The following SH3D19 variants were observed in gnomAD, a reference collection of about 807,000 sequenced individuals.
SH3D19 encodes SH3 domain-containing protein 19.
In SH3D19, 58 loss-of-function variants were observed where a neutral mutation model predicts 112.1. The observed-to-expected ratio is 0.52, with a 90% CI of 0.42 to 0.64. The LOEUF (loss-of-function observed/expected upper bound fraction) is 0.64, where lower values mean the gene tolerates loss of function less well. Ranked by LOEUF, SH3D19 falls within the 30% of genes least tolerant of loss-of-function variation. SH3D19 has a pLI of 0.00. For synonymous variants in SH3D19, 391 were observed against 448.5 expected, an observed-to-expected ratio of 0.87 and a Z score of 1.62; for missense variants, 1,090 against 1,263.4, an observed-to-expected ratio of 0.86 and a Z score of 2.08.
At position 151,161,464 on chromosome 4, in the gene SH3D19, G is replaced by GTCAT. The variant is rs571791343; in HGVS notation, c.1643-2116_1643-2113dup. On this transcript the variant is annotated intron_variant, in intron 8 of 19. Transcript: ENST00000604030. ...GAAATAACTCTCTAGAAATCATTCTGTCATTTCAGTTCTCCTACATTTGGC... is the reference window on the plus strand; with the variant it reads ...GAAATAACTCTCTAGAAATCATTCTGTCATTCATTTCAGTTCTCCTACATTTGGC... 2.5e-3 allele frequency among the ~76,000 whole-genome samples: 376 copies of GTCAT among 152,028 alleles called. 1 individual carries two copies. Among genetic ancestry groups the GTCAT allele is most frequent in the African/African-American group, 8.8e-3 (364 of 41,466 alleles).
In SH3D19 at chr4:151,275,828, T is replaced by TTAG. The variant is rs1289643505; in HGVS notation, c.112+49412_112+49413insCTA. Among the ~76,000 whole-genome samples the TTAG allele has an allele frequency of 2.8e-5, 3 of 106,804 alleles. No homozygotes were observed. In the East Asian group the frequency reaches 7.8e-4, roughly 28 times the overall value. The allele number at this position is 106,804 out of a possible 152,430, so 70.1% of individuals were successfully genotyped here. On this transcript the variant is annotated intron_variant, in intron 1 of 19. Coordinates refer to ENST00000604030, the MANE Select transcript of SH3D19 (RefSeq NM_001378122.1). ...AAGCTACCACGCCCAGCCACTTCTA[T>TTAG]TATTATTATTATTATTATTATTTTT... is the stretch of plus-strand genomic sequence containing the variant.
chr4:151,127,477 G>C (rs1225423598), intron 19 of SH3D19, 141 bp downstream of exon 19: 7 of 526,218 alleles, frequency 1.3e-5, no homozygotes, highest in African/African-American at 4.0e-5. Flanking sequence ...TTTCTCTAAT[G>C]TCTTCCCCTA....
chr4:151,155,939 A>G (rs1359869075), intron 9 of SH3D19, among the ~76,000 whole-genome samples: 1 of 152,164 alleles, frequency 6.6e-6, no homozygotes, highest in Non-Finnish European at 1.5e-5. Context: ...TCTACCAAAA[A>G]AACCCTCTTA....
chr4:151,282,127 C>A (rs772742989), intron 1 of SH3D19: 43 of 1,611,440 alleles, frequency 2.7e-5, no homozygotes, highest in Middle Eastern at 1.7e-4. Flanking sequence ...CATAAGCAGG[C>A]CTCCTTTCTT....
At chr4:151,163,963 A>G (rs1757569763) in intron 8 of SH3D19, among the ~76,000 whole-genome samples, 1 of 152,194 alleles carries the variant, frequency 6.6e-6, no homozygotes, top group African/African-American at 2.4e-5. Context: ...TAGAACCAGA[A>G]TTTGATACCT....
intron 1 of SH3D19, among the ~76,000 whole-genome samples, chr4:151,258,645 C>G (rs1376896700): frequency 1.3e-5 from 2 of 152,216 alleles, no homozygotes; most frequent in Non-Finnish European, 2.9e-5. Context: ...TCTCCCAGGA[C>G]AGCAGGGGAC....
chr4:151,177,829 T>C (rs1449276068), intron 4 of SH3D19, among the ~76,000 whole-genome samples: 1 of 152,364 alleles, frequency 6.6e-6, no homozygotes, highest in South Asian at 2.1e-4. Context: ...GGTTTGTATA[T>C]GATTTGATGA....
chr4:151,131,539 T>C (rs1272161554), intron 17 of SH3D19, among the ~76,000 whole-genome samples: 1 of 150,678 alleles, frequency 6.6e-6, no homozygotes, highest in East Asian at 2.0e-4. Flanking sequence ...CAGGCGGGAG[T>C]GCAGTGGCGC....
chr4:151,296,175 TA>T (rs1775705255), intron 1 of SH3D19, among the ~76,000 whole-genome samples: 1 of 152,210 alleles, frequency 6.6e-6, no homozygotes. Context: ...AAGCTATTTT[TA>T]AAACATGAAC....
intron 13 of SH3D19, among the ~76,000 whole-genome samples, chr4:151,139,187 T>C (rs1399075673): frequency 6.6e-6 from 1 of 151,788 alleles, no homozygotes; most frequent in Non-Finnish European, 1.5e-5. Flanking sequence ...GGAGTCTCGC[T>C]CTGTCCCTCG....
intron 1 of SH3D19, among the ~76,000 whole-genome samples, chr4:151,242,438 T>A (rs1393008757): frequency 6.6e-6 from 1 of 152,104 alleles, no homozygotes; most frequent in Non-Finnish European, 1.5e-5. Flanking sequence ...TCTTAGGGGA[T>A]AAATAACATG....
intron 12 of SH3D19, 119 bp from the exon 13 acceptor site, chr4:151,139,966 G>A (rs1220643321): frequency 8.2e-6 from 6 of 734,000 alleles, no homozygotes; most frequent in African/African-American, 1.8e-5. Flanking sequence ...TACATTATGA[G>A]TACATGATGC....
intron 8 of SH3D19, among the ~76,000 whole-genome samples, chr4:151,163,586 C>CTTT (rs200482400): frequency 2.1e-5 from 3 of 145,016 alleles, no homozygotes; most frequent in African/African-American, 7.6e-5. Context: ...TTCTTTCTTT[C>CTTT]TTTTTTTTTT....
chr4:151,280,396 A>C (rs1000137564), intron 1 of SH3D19, among the ~76,000 whole-genome samples: 2 of 152,182 alleles, frequency 1.3e-5, no homozygotes, highest in African/African-American at 4.8e-5. Context: ...CTCCCCAGTA[A>C]GATGACTGCA....
At chr4:151,253,464 G>C (rs1250442995) in intron 1 of SH3D19, among the ~76,000 whole-genome samples, 1 of 152,162 alleles carries the variant, frequency 6.6e-6, no homozygotes, top group Non-Finnish European at 1.5e-5. Flanking sequence ...TTGTTGGCCG[G>C]GCACAGTGGC....
chr4:151,143,399 C>T (rs1424881181), intron 12 of SH3D19, among the ~76,000 whole-genome samples: 1 of 152,076 alleles, frequency 6.6e-6, no homozygotes, highest in Non-Finnish European at 1.5e-5. Context: ...CAGTGGAGAA[C>T]TTGCCCCGTG....
intron 1 of SH3D19, among the ~76,000 whole-genome samples, chr4:151,315,683 G>A (rs901908634): frequency 2.0e-5 from 3 of 152,052 alleles, no homozygotes; most frequent in African/African-American, 7.2e-5. Flanking sequence ...CTGGTGCAGT[G>A]GTGTGTGGCT....
At chr4:151,184,594 TCTGCTAGGGCC>T (rs67149508) in intron 3 of SH3D19, among the ~76,000 whole-genome samples, 51,481 of 151,840 alleles carry the variant, frequency 0.34, 10,087 homozygotes, top group Middle Eastern at 0.46. Context: ...CCTTCCTCTC[TCTGCTAGGGCC>T]CTGTTTCACC....
intron 19 of SH3D19, among the ~76,000 whole-genome samples, chr4:151,126,364 G>C (rs1021496870): frequency 3.9e-5 from 6 of 152,144 alleles, no homozygotes; most frequent in Non-Finnish European, 7.4e-5. Flanking sequence ...TTCAATGACA[G>C]AGAATTTACC....
Sources: allele counts gnomAD v4.1 joint callset (sites outside exome capture counted in the v4.1 genomes callset), GRCh38; gene constraint gnomAD v4.1.1; transcripts MANE v1.5; gene names NCBI Gene and HGNC (gene_info 2026-07-23, HGNC 2026-07-21).